Variants in IL1RL2 observed in about 807,000 individuals in gnomAD.
IL1RL2 encodes interleukin-1 receptor-like 2.
In IL1RL2, 68 loss-of-function variants were observed where a neutral mutation model predicts 66.8. That is an observed-to-expected ratio of 1.02 (90% CI 0.84 to 1.25). The LOEUF (loss-of-function observed/expected upper bound fraction) is 1.25, where lower values mean the gene tolerates loss of function less well. IL1RL2 is among the 50% of genes most tolerant of loss of function. IL1RL2 has a pLI of 0.00. For missense variants in IL1RL2, 729 were observed against 709.3 expected (o/e 1.03, Z -0.32); for synonymous variants, 305 against 264.6 (o/e 1.15, Z -1.48).
chr2:102,208,680 G>A (rs957090639), intron 5 of IL1RL2, among the ~76,000 whole-genome samples: 1 of 152,248 alleles, frequency 6.6e-6, no homozygotes, highest in Non-Finnish European at 1.5e-5. Flanking sequence ...GCTCCCTGCT[G>A]CCTATGCAGG....
At chr2:102,241,706 C>T (rs913077788), downstream of IL1RL2, among the ~76,000 whole-genome samples, 6 of 152,160 alleles carry the variant, frequency 3.9e-5, no homozygotes, top group Admixed American at 6.6e-5. Context: ...TATATCCTCT[C>T]CATTTTAAAA....
chr2:102,191,579 G>A (rs1687236190), intron 3 of IL1RL2, among the ~76,000 whole-genome samples: 2 of 152,280 alleles, frequency 1.3e-5, no homozygotes, highest in African/African-American at 4.8e-5. Context: ...CTTCATTGGG[G>A]TTTGTCAGGT....
Position 102,194,792 on chromosome 2 carries a change from G to A in IL1RL2, c.489+2672G>A, listed in dbSNP as rs12328161. On this transcript the variant is annotated intron_variant, in intron 4 of 11. Transcript: ENST00000264257. Reference sequence around the variant, plus strand: ...AGACTAGCTCTTGCTCTGTTGCCCCGGCTGGAGTGTGGTAGTGCAATCATA... The same window carrying A: ...AGACTAGCTCTTGCTCTGTTGCCCCAGCTGGAGTGTGGTAGTGCAATCATA... Among the ~76,000 whole-genome samples, 1,435 of 152,056 alleles carry A rather than the reference G, an allele frequency of 9.4e-3. 20 individuals are homozygous for A. Among genetic ancestry groups the A allele is most frequent in the African/African-American group, 0.033 (1,377 of 41,462 alleles).
chr2:102,195,702 C>T (rs1687719130), intron 4 of IL1RL2, among the ~76,000 whole-genome samples: 2 of 118,996 alleles, frequency 1.7e-5, no homozygotes, highest in South Asian at 3.0e-4. Context: ...TCCTTCCTTC[C>T]TTCTTTCTTT....
At chr2:102,218,243 A>G (rs1403716198) in intron 6 of IL1RL2, among the ~76,000 whole-genome samples, 1 of 152,200 alleles carries the variant, frequency 6.6e-6, no homozygotes, top group Non-Finnish European at 1.5e-5. Flanking sequence ...TGATATTTCT[A>G]TTCTATACTG....
intron 10 of IL1RL2, among the ~76,000 whole-genome samples, chr2:102,234,182 A>G (rs774247626): frequency 3.3e-5 from 5 of 152,258 alleles, no homozygotes; most frequent in Non-Finnish European, 7.3e-5. Context: ...GAAAACACAG[A>G]TTCAAGATTA....
chr2:102,191,670 G>A (rs1190760915), intron 3 of IL1RL2, among the ~76,000 whole-genome samples: 1 of 152,190 alleles, frequency 6.6e-6, no homozygotes, highest in Non-Finnish European at 1.5e-5. Flanking sequence ...TTACTCAGAG[G>A]CACATGGCGT....
intron 10 of IL1RL2, among the ~76,000 whole-genome samples, chr2:102,233,908 C>A (rs758657286): frequency 2.0e-5 from 3 of 152,108 alleles, no homozygotes; most frequent in African/African-American, 4.8e-5. Context: ...ACTTATTCAA[C>A]AAATATTTAC....
chr2:102,235,887 C>A (rs551425656), intron 11 of IL1RL2: 1 of 985,434 alleles, frequency 1.0e-6, no homozygotes. Context: ...TGGGGACCCA[C>A]GGGAGTGGCC....
chr2:102,239,139 C>T, intron 11 of IL1RL2, 53 bp from the exon 12 acceptor site: 8 of 1,544,244 alleles, frequency 5.2e-6, no homozygotes, highest in Non-Finnish European at 5.4e-6. Flanking sequence ...CCTTATCAGC[C>T]CCCATCTCCC....
rs575937321 is a variant in IL1RL2 at position 102,208,523 on chromosome 2, C to G, written c.650-3577C>G. On this transcript the variant is annotated intron_variant, in intron 5 of 11. Transcript: ENST00000264257. ...AAAGTTGTTTTCTATATTTACTCAT[C>G]TAGATGAGAAGAACTAAAGGCTGGA... Among the ~76,000 whole-genome samples the G allele has an allele frequency of 2.0e-5, 3 of 152,330 alleles. No homozygotes were observed. In the East Asian group the frequency reaches 5.8e-4, roughly 29 times the overall value.
chr2:102,221,769 T>C (rs1690153818), intron 8 of IL1RL2, among the ~76,000 whole-genome samples: 1 of 152,208 alleles, frequency 6.6e-6, no homozygotes, highest in Non-Finnish European at 1.5e-5. Flanking sequence ...TGTCTCCTCA[T>C]CTGGGAAATG....
chr2:102,194,059 T>C (rs1421665761), intron 4 of IL1RL2, among the ~76,000 whole-genome samples: 1 of 152,164 alleles, frequency 6.6e-6, no homozygotes, highest in African/African-American at 2.4e-5. Flanking sequence ...TTAATTACCC[T>C]TTCCCATGAA....
intron 4 of IL1RL2, among the ~76,000 whole-genome samples, chr2:102,197,939 C>T (rs1224691652): frequency 6.6e-6 from 1 of 152,196 alleles, no homozygotes; most frequent in Non-Finnish European, 1.5e-5. Flanking sequence ...GCTACTTCTG[C>T]AGTGTGGTTC....
chr2:102,210,994 G>GTTGA (rs146808291), intron 5 of IL1RL2, among the ~76,000 whole-genome samples: 186 of 152,286 alleles, frequency 1.2e-3, no homozygotes, highest in African/African-American at 4.1e-3. Context: ...GGCAAAAGTA[G>GTTGA]TTGAATTTGG....
intron 6 of IL1RL2, among the ~76,000 whole-genome samples, chr2:102,213,430 T>C (rs1318714478): frequency 2.6e-5 from 4 of 152,182 alleles, no homozygotes; most frequent in Admixed American, 1.3e-4. Context: ...ATTTGTTAAT[T>C]AGCTTGATTT....
At chr2:102,233,560 C>T (rs1037868140) in intron 10 of IL1RL2, among the ~76,000 whole-genome samples, 5 of 152,126 alleles carry the variant, frequency 3.3e-5, no homozygotes, top group Admixed American at 2.6e-4. Context: ...TTATAAACCT[C>T]GACCCTACTT....
intron 6 of IL1RL2, among the ~76,000 whole-genome samples, chr2:102,216,206 A>G (rs1689600711): frequency 6.6e-6 from 1 of 152,234 alleles, no homozygotes; most frequent in Admixed American, 6.5e-5. Flanking sequence ...AAAAAGAACC[A>G]AAGAGAAGTC....
In IL1RL2 at chr2:102,239,240, A is replaced by C. The variant is rs1675126942; in HGVS notation, c.1727A>C (p.Ter576SerextTer5). The change falls in exon 12 of 12, where the codon TAA (stop) becomes TCA (serine). Residue 576 changes from the stop codon to serine, a stop_lost. Transcript: ENST00000264257. ...RRKKCTLTTG[*>S] ...AAGAAGTGTACTCTCACGACTGGCT[A>C]AGACTTGCTGGACTGACACCTATGG... 1 of 1,613,750 alleles carries C rather than the reference A, an allele frequency of 6.2e-7. No homozygotes were observed. The highest frequency in any genetic ancestry group is 8.5e-7 in the Non-Finnish European group (1 of 1,179,768).
Sources: allele counts gnomAD v4.1 joint callset (sites outside exome capture counted in the v4.1 genomes callset), GRCh38; gene constraint gnomAD v4.1.1; transcripts MANE v1.5; gene names NCBI Gene and HGNC (gene_info 2026-07-23, HGNC 2026-07-21).